Variants in CLIC6 observed in about 807,000 individuals in gnomAD.
The protein encoded by CLIC6 is CLIC family member 6.
In CLIC6, 39 loss-of-function variants were observed where a neutral mutation model predicts 49.2. The observed-to-expected ratio is 0.79, with a 90% CI of 0.61 to 1.04. The LOEUF is 1.04. Among genes scored for constraint, CLIC6 ranks in the 50% least tolerant of loss-of-function variants. The probability of loss-of-function intolerance (pLI) is 0.00; values close to 1 mark genes in which losing one functional copy is unlikely to be tolerated. For missense variants in CLIC6, 988 were observed against 993.1 expected, an observed-to-expected ratio of 0.99 and a Z score of 0.07; for synonymous variants, 446 against 433.4, an observed-to-expected ratio of 1.03 and a Z score of -0.36.
Position 34,709,439 on chromosome 21 carries a change from C to T in CLIC6, c.1800C>T (p.Tyr600=), listed in dbSNP as rs762805266. 1.9e-6 allele frequency: 3 copies of T among 1,614,032 alleles called. No homozygotes were observed. Among genetic ancestry groups the T allele is most frequent in the South Asian group, 2.2e-5 (2 of 91,078 alleles). The change falls in exon 5 of 6, where the codon TAC becomes TAT. Residue 600 remains tyrosine, a synonymous_variant. Coordinates refer to ENST00000349499, the MANE Select transcript of CLIC6 (RefSeq NM_053277.3). ...CTCTGCCTGATGAAATAGATGCCTA[C>T]AGCACCGAGGATGTCACTGTTTCTG... ...NSPLPDEIDA[Y]STEDVTVSGR...
chr21:34,712,208 G>A (rs1186423799), intron 5 of CLIC6, among the ~76,000 whole-genome samples: 1 of 152,236 alleles, frequency 6.6e-6, no homozygotes, highest in East Asian at 1.9e-4. Flanking sequence ...CCAGGATGGA[G>A]TACTTCTGAA....
At chr21:34,700,814 A>G (rs1990175375) in intron 1 of CLIC6, among the ~76,000 whole-genome samples, 1 of 139,842 alleles carries the variant, frequency 7.2e-6, no homozygotes, top group Admixed American at 6.9e-5. Flanking sequence ...AAAAGGAAGC[A>G]GTTCTCTGGA....
chr21:34,703,204 CT>C (rs1397880703), intron 1 of CLIC6, among the ~76,000 whole-genome samples: 1 of 152,190 alleles, frequency 6.6e-6, no homozygotes, highest in Non-Finnish European at 1.5e-5. Context: ...AATATTACCG[CT>C]TTGTGGCCTC....
At chr21:34,706,164 C>T (rs1042220886) in intron 1 of CLIC6, 32 of 574,606 alleles carry the variant, frequency 5.6e-5, no homozygotes, top group Non-Finnish European at 9.0e-5. Flanking sequence ...ATCTGCTCAG[C>T]TTCTGGGGCA....
intron 1 of CLIC6, among the ~76,000 whole-genome samples, chr21:34,683,519 G>A (rs557059339): frequency 1.4e-4 from 21 of 152,292 alleles, no homozygotes; most frequent in East Asian, 3.9e-4. Context: ...TTATGTTTAC[G>A]GAGTGGGAGG....
chr21:34,703,097 C>A (rs2055991169), intron 1 of CLIC6, among the ~76,000 whole-genome samples: 1 of 152,178 alleles, frequency 6.6e-6, no homozygotes, highest in Non-Finnish European at 1.5e-5. Flanking sequence ...CCATGTCTTT[C>A]TCCTGGTTTT....
intron 1 of CLIC6, among the ~76,000 whole-genome samples, chr21:34,695,717 C>G (rs114932719): frequency 1.3e-5 from 2 of 152,182 alleles, no homozygotes; most frequent in Non-Finnish European, 2.9e-5. Flanking sequence ...GAGGAAGTGG[C>G]CTTACTTGGT....
chr21:34,706,868 T>C (rs1378703221), intron 1 of CLIC6, among the ~76,000 whole-genome samples: 1 of 152,216 alleles, frequency 6.6e-6, no homozygotes, highest in South Asian at 2.1e-4. Context: ...ATACCAAAGC[T>C]GCTAAGAATA....
chr21:34,707,522 C>A, intron 2 of CLIC6, 133 bp downstream of exon 2: 1 of 673,328 alleles, frequency 1.5e-6, no homozygotes, highest in Non-Finnish European at 2.6e-6. Flanking sequence ...GGAGTCTGAA[C>A]TGAAGCCCAC....
chr21:34,680,102 C>T (rs148407022), intron 1 of CLIC6, among the ~76,000 whole-genome samples: 1,943 of 152,388 alleles, frequency 0.013, 16 homozygotes, highest in Middle Eastern at 0.027. Flanking sequence ...GGCTCTGCCC[C>T]TGCAGCAAAC....
Position 34,669,250 on chromosome 21 carries a change from TA to T in CLIC6, c.-136del. ...CTGCGCAAGGCCCCAGTGCCCCGGC[TA>T]AACCTTTGCCGCAGGATCCCGGAGC... On this transcript the variant is annotated 5_prime_UTR_variant, in exon 1 of 6. Transcript: ENST00000349499. 1 of 699,132 alleles carries T rather than the reference TA, an allele frequency of 1.4e-6. No individual in the cohort carries two copies. Among genetic ancestry groups the T allele is most frequent in the Non-Finnish European group, 2.0e-6 (1 of 502,378 alleles). The allele number at this position is 699,132 out of a possible 1,614,324, so 43.3% of individuals were successfully genotyped here. A position where few individuals can be genotyped will look rare whatever the true frequency, so the allele number is the denominator to read the frequency against.
intron 1 of CLIC6, among the ~76,000 whole-genome samples, chr21:34,689,808 A>C (rs568996397): frequency 6.6e-6 from 1 of 152,238 alleles, no homozygotes; most frequent in Non-Finnish European, 1.5e-5. Flanking sequence ...GGTTTGGCAG[A>C]AGCTTTCGGA....
At chr21:34,682,435 A>C (rs904147289) in intron 1 of CLIC6, among the ~76,000 whole-genome samples, 56 of 152,120 alleles carry the variant, frequency 3.7e-4, no homozygotes, top group Non-Finnish European at 6.2e-4. Flanking sequence ...AAAGTATATA[A>C]GTATTCTTTT....
Position 34,716,811 on chromosome 21 carries a change from T to C in CLIC6, c.*329T>C, listed in dbSNP as rs2056087832. ...ACCGAAAACTTACTGGAGAACATGT[T>C]CCAAATCTTCAGTATCTTGTTCTCT... is the stretch of plus-strand genomic sequence containing the variant. On this transcript the variant is annotated 3_prime_UTR_variant, in exon 6 of 6. Transcript: ENST00000349499. 5.7e-6 allele frequency: 1 copy of C among 174,848 alleles called. No homozygotes were observed. The highest frequency in any genetic ancestry group is 1.2e-5 in the Non-Finnish European group (1 of 84,964). 10.8% of individuals were successfully genotyped at this position (174,848 alleles called of 1,614,324 possible).
intron 1 of CLIC6, among the ~76,000 whole-genome samples, chr21:34,682,011 A>G (rs921389267): frequency 7.2e-5 from 11 of 152,280 alleles, no homozygotes; most frequent in African/African-American, 2.4e-4. Context: ...GCTCTGTCAC[A>G]TTCTTGTGAA....
chr21:34,677,207 T>C (rs1330446668), intron 1 of CLIC6, among the ~76,000 whole-genome samples: 1 of 152,218 alleles, frequency 6.6e-6, no homozygotes, highest in Non-Finnish European at 1.5e-5. Context: ...GCTATGAAAA[T>C]TTCCCAGTTT....
rs1185732878 is a variant in CLIC6 at position 34,670,276 on chromosome 21, G to A, written c.888G>A (p.Pro296=). The A allele has an allele frequency of 6.9e-7, 1 of 1,442,686 alleles. No individual in the cohort carries two copies. The highest frequency in any genetic ancestry group is 1.4e-5 in the South Asian group (1 of 69,036). The allele number at this position is 1,442,686 out of a possible 1,614,324, so 89.4% of individuals were successfully genotyped here. Reference sequence around the variant, plus strand: ...GGGCGCGCCGGGTCTCGGGTGAGCCGCAGCAATCGGGGGACGGCAGCCTCT... The same window carrying A: ...GGGCGCGCCGGGTCTCGGGTGAGCCACAGCAATCGGGGGACGGCAGCCTCT... ...AGRARRVSGE[P]QQSGDGSLSP... Residue 296 remains proline (P), a synonymous_variant, in exon 1 of 6, where the codon CCG becomes CCA. Transcript: ENST00000349499.
intron 1 of CLIC6, among the ~76,000 whole-genome samples, chr21:34,687,560 A>T (rs1384249696): frequency 6.6e-6 from 1 of 152,214 alleles, no homozygotes; most frequent in African/African-American, 2.4e-5. Flanking sequence ...TTATGCCTTG[A>T]TTCCACCTGC....
chr21:34,676,853 T>C (rs1317912177), intron 1 of CLIC6, among the ~76,000 whole-genome samples: 3 of 152,150 alleles, frequency 2.0e-5, no homozygotes, highest in Non-Finnish European at 4.4e-5. Flanking sequence ...GTCATATTAG[T>C]AAAGAAAAAG....
Sources: allele counts gnomAD v4.1 joint callset (sites outside exome capture counted in the v4.1 genomes callset), GRCh38; gene constraint gnomAD v4.1.1; transcripts MANE v1.5; gene names NCBI Gene and HGNC (gene_info 2026-07-23, HGNC 2026-07-21).